C1orf185: variants seen among roughly 807,000 people sequenced by gnomAD.
The protein encoded by C1orf185 is uncharacterized protein C1orf185.
In C1orf185, 13 loss-of-function variants were observed where a neutral mutation model predicts 16.1. That is an observed-to-expected ratio of 0.81 (90% CI 0.53 to 1.28). The LOEUF (loss-of-function observed/expected upper bound fraction) is 1.28, where lower values mean the gene tolerates loss of function less well. Ranked by LOEUF, C1orf185 falls within the 50% of genes most tolerant of loss-of-function variation. The pLI is 0.00. For missense variants in C1orf185, 220 were observed against 225.2 expected (o/e 0.98, Z 0.15); for synonymous variants, 80 against 76.9 (o/e 1.04, Z -0.21).
rs554835812 is a variant in C1orf185, at chr1:51,131,049, T to C, written c.258+12248T>C. On this transcript the variant is annotated intron_variant, in intron 3 of 4. Coordinates refer to ENST00000371759, the MANE Select transcript of C1orf185 (RefSeq NM_001136508.2). ...TCCCAAGTAGCTGGGATTACAGGCA[T>C]GCACCACCATGCCTGGCTAATTTTG... Among the ~76,000 whole-genome samples the C allele has an allele frequency of 5.3e-5, 8 of 152,286 alleles. No homozygotes were observed. In the South Asian group the frequency reaches 1.0e-3, roughly 20 times the overall value.
In C1orf185 at chr1:51,147,703, G is replaced by T. The variant is rs776325088; in HGVS notation, c.532G>T (p.Val178Leu). ...TCTCGGGGAACCTCTAATGGAAAAA[G>T]TATTTTCATACCTGTCAACCATTTC... ...PSLGEPLMEK[V>L]FSYLSTISLE... Residue 178 changes from valine (V) to leucine (L), a missense_variant, in exon 5 of 5, where the codon GTA (valine) becomes TTA (leucine). Coordinates refer to ENST00000371759, the MANE Select transcript of C1orf185 (RefSeq NM_001136508.2). 1 of 1,551,146 alleles carries T rather than the reference G, an allele frequency of 6.4e-7. No homozygotes were observed.
intron 3 of C1orf185, among the ~76,000 whole-genome samples, chr1:51,136,250 T>A (rs574022993): frequency 6.6e-6 from 1 of 152,284 alleles, no homozygotes; most frequent in African/African-American, 2.4e-5. Context: ...ATTTATAGAT[T>A]CAATGCTATT....
At chr1:51,118,915 T>C (rs1195480507) in intron 3 of C1orf185, 114 bp downstream of exon 3, 3 of 856,096 alleles carry the variant, frequency 3.5e-6, no homozygotes, top group South Asian at 4.0e-5. Flanking sequence ...TTTTTTAATT[T>C]GAGGGACAAA....
chr1:51,108,802 T>C (rs1170914386), intron 1 of C1orf185, among the ~76,000 whole-genome samples: 1 of 152,234 alleles, frequency 6.6e-6, no homozygotes, highest in Non-Finnish European at 1.5e-5. Context: ...CACATTTTCT[T>C]TATTCATTCA....
rs140165265 is a variant in C1orf185, at chr1:51,135,098, A to C, written c.259-10626A>C. Among the ~76,000 whole-genome samples, 1,070 of 152,346 alleles carry C rather than the reference A, an allele frequency of 7.0e-3. 7 individuals carry two copies. Among genetic ancestry groups the C allele is most frequent in the South Asian group, 0.014 (66 of 4,826 alleles). ...GAAGAACATTGATGCAACAATCCTCAACAAAATACTGGCAAACCAAATCCA... is the reference window on the plus strand; with the variant it reads ...GAAGAACATTGATGCAACAATCCTCCACAAAATACTGGCAAACCAAATCCA... On this transcript the variant is annotated intron_variant, in intron 3 of 4. Coordinates refer to ENST00000371759, the MANE Select transcript of C1orf185 (RefSeq NM_001136508.2).
chr1:51,144,226 G>A (rs1386230386), intron 3 of C1orf185, among the ~76,000 whole-genome samples: 1 of 152,052 alleles, frequency 6.6e-6, no homozygotes, highest in Non-Finnish European at 1.5e-5. Context: ...CCCCATTCCA[G>A]ACCTTCCGAG....
At chr1:51,115,074 G>C (rs1272921044) in intron 2 of C1orf185, among the ~76,000 whole-genome samples, 1 of 152,184 alleles carries the variant, frequency 6.6e-6, no homozygotes, top group African/African-American at 2.4e-5. Flanking sequence ...GCCGGGCGCA[G>C]TGGCTGACGT....
chr1:51,135,395 C>T (rs972883671), intron 3 of C1orf185, among the ~76,000 whole-genome samples: 3 of 151,964 alleles, frequency 2.0e-5, no homozygotes, highest in Non-Finnish European at 4.4e-5. Context: ...CAAAATTAGC[C>T]GGGCGTGGTG....
At chr1:51,140,093 A>G (rs918219811) in intron 3 of C1orf185, among the ~76,000 whole-genome samples, 1 of 152,210 alleles carries the variant, frequency 6.6e-6, no homozygotes, top group African/African-American at 2.4e-5. Flanking sequence ...ATGGCAAATA[A>G]TTAGGAACAG....
chr1:51,138,799 T>C (rs1646344610), intron 3 of C1orf185, among the ~76,000 whole-genome samples: 1 of 152,158 alleles, frequency 6.6e-6, no homozygotes. Flanking sequence ...ACAAGTCTCC[T>C]GCCCCAGCCT....
chr1:51,111,370 C>CTTTTTTTTTT lies in C1orf185; in HGVS notation c.17-1091_17-1090insTTTTTTTTTT, dbSNP rs35232347. Among the ~76,000 whole-genome samples, 27 of 114,416 alleles carry CTTTTTTTTTT rather than the reference C, an allele frequency of 2.4e-4. 1 individual carries two copies. Among genetic ancestry groups the CTTTTTTTTTT allele is most frequent in the African/African-American group, 8.4e-4 (23 of 27,348 alleles). 75.1% of individuals were successfully genotyped at this position (114,416 alleles called of 152,430 possible). A position where few individuals can be genotyped will look rare whatever the true frequency, so the allele number is the denominator to read the frequency against. On this transcript the variant is annotated intron_variant, in intron 1 of 4. Transcript: ENST00000371759. ...ATATTGCTTTCATTTAGCTTTCTTTCTTTCTTTTTTTTTTTTTTTGAGAGA... is the reference window on the plus strand; with the variant it reads ...ATATTGCTTTCATTTAGCTTTCTTTCTTTTTTTTTTTTTCTTTTTTTTTTTTTTTGAGAGA...
At chr1:51,116,426 G>A (rs1184879004) in intron 2 of C1orf185, among the ~76,000 whole-genome samples, 1 of 150,574 alleles carries the variant, frequency 6.6e-6, no homozygotes, top group African/African-American at 2.5e-5. Context: ...CAATTCTCCT[G>A]CCACAGCCTC....
In C1orf185 at chr1:51,102,856, G is replaced by A. The variant is rs958376229; in HGVS notation, c.16+607G>A. Among the ~76,000 whole-genome samples, 2 of 151,920 alleles carry A rather than the reference G, an allele frequency of 1.3e-5. 1 individual carries two copies. Among genetic ancestry groups the A allele is most frequent in the South Asian group, 4.2e-4 (2 of 4,810 alleles). ...TTCTTTTCTAATATATGCATTTAGG[G>A]CCATATATTTTCCTTAAATTTGGCT... On this transcript the variant is annotated intron_variant, in intron 1 of 4. Transcript: ENST00000371759.
chr1:51,112,314 A>T (rs1016022625), intron 1 of C1orf185, 150 bp from the exon 2 acceptor site: 7 of 572,488 alleles, frequency 1.2e-5, no homozygotes, highest in African/African-American at 1.1e-4. Context: ...AGTTTATTAG[A>T]ATTGCATGGG....
intron 1 of C1orf185, among the ~76,000 whole-genome samples, chr1:51,110,687 G>A (rs1017421951): frequency 3.9e-5 from 6 of 152,064 alleles, no homozygotes; most frequent in Non-Finnish European, 7.3e-5. Flanking sequence ...TTTCTTTCTC[G>A]GCTGAGCGTG....
At chr1:51,117,593 T>G (rs989114466) in intron 2 of C1orf185, among the ~76,000 whole-genome samples, 2 of 152,200 alleles carry the variant, frequency 1.3e-5, no homozygotes, top group African/African-American at 4.8e-5. Context: ...GAATGTCATA[T>G]AGTTGGAATC....
intron 1 of C1orf185, among the ~76,000 whole-genome samples, chr1:51,104,466 T>C (rs1646054926): frequency 6.6e-6 from 1 of 152,188 alleles, no homozygotes; most frequent in Non-Finnish European, 1.5e-5. Context: ...AATGCAATTA[T>C]AGACATAGAG....
At chr1:51,127,568 G>A (rs903076126) in intron 3 of C1orf185, among the ~76,000 whole-genome samples, 1 of 152,152 alleles carries the variant, frequency 6.6e-6, no homozygotes, top group African/African-American at 2.4e-5. Context: ...TTACAGGTGT[G>A]AGCCACTGCG....
rs142269311 is a variant in C1orf185 at position 51,142,582 on chromosome 1, G to A, written c.259-3142G>A. Among the ~76,000 whole-genome samples, 91 of 152,154 alleles carry A rather than the reference G, an allele frequency of 6.0e-4. 1 individual carries two copies. In the East Asian group the frequency reaches 0.014, roughly 23 times the overall value. ...AATTCAATTTCTCTGGTAGACATAG[G>A]GCTATTCATGTTACTATCTCTCCTT... On this transcript the variant is annotated intron_variant, in intron 3 of 4. Coordinates refer to ENST00000371759, the MANE Select transcript of C1orf185 (RefSeq NM_001136508.2).
Sources: gnomAD v4.1 joint callset for allele counts (sites outside exome capture counted in the v4.1 genomes callset) on GRCh38, gnomAD v4.1.1 for gene constraint, MANE v1.5 for transcripts, NCBI Gene and HGNC (gene_info 2026-07-23, HGNC 2026-07-21) for gene names.